Variants in CLSTN2 observed in about 807,000 individuals in gnomAD.
CLSTN2 encodes the protein calsyntenin-2.
In CLSTN2, 48 loss-of-function variants were observed where a neutral mutation model predicts 101.2. The observed-to-expected ratio is 0.47, with a 90% CI of 0.38 to 0.60. The LOEUF (loss-of-function observed/expected upper bound fraction) is 0.60, where lower values mean the gene tolerates loss of function less well. Among genes scored for constraint, CLSTN2 ranks in the 20% least tolerant of loss-of-function variants. The pLI, the probability that CLSTN2 is intolerant of heterozygous loss-of-function variation, is 0.00. For synonymous variants in CLSTN2, 481 were observed against 463.6 expected (o/e 1.04, Z -0.48); for missense variants, 1,160 against 1,238.2 (o/e 0.94, Z 0.95).
At chr3:140,366,538 T>A (rs1432100078) in intron 2 of CLSTN2, among the ~76,000 whole-genome samples, 1 of 152,214 alleles carries the variant, frequency 6.6e-6, no homozygotes, top group Non-Finnish European at 1.5e-5. Flanking sequence ...CCCGCTTGTA[T>A]AGGGCCCTTG....
intron 1 of CLSTN2, among the ~76,000 whole-genome samples, chr3:140,102,581 T>TG (rs2008986002): frequency 6.6e-6 from 1 of 152,230 alleles, no homozygotes; most frequent in Admixed American, 6.5e-5. Context: ...AGGAAGTAAT[T>TG]TCCTTATGCA....
chr3:140,104,935 G>A (rs2009027765), intron 1 of CLSTN2, among the ~76,000 whole-genome samples: 1 of 152,246 alleles, frequency 6.6e-6, no homozygotes, highest in Non-Finnish European at 1.5e-5. Context: ...CAGAGATCGT[G>A]CCACTGCACT....
At chr3:140,226,945 C>T (rs1040951232) in intron 2 of CLSTN2, among the ~76,000 whole-genome samples, 8 of 152,260 alleles carry the variant, frequency 5.3e-5, no homozygotes, top group Admixed American at 1.3e-4. Flanking sequence ...TCAATCACCT[C>T]CCACCAGGTC....
chr3:140,264,947 G>A (rs370370974), intron 2 of CLSTN2, among the ~76,000 whole-genome samples: 2 of 152,140 alleles, frequency 1.3e-5, no homozygotes, highest in African/African-American at 4.8e-5. Flanking sequence ...TCTCTGCCCT[G>A]AAGGAGCTCA....
intron 1 of CLSTN2, among the ~76,000 whole-genome samples, chr3:140,133,079 T>C (rs1346285557): frequency 3.9e-5 from 6 of 152,172 alleles, no homozygotes. Context: ...CCAGCATCTG[T>C]TCAGCTTCTG....
At chr3:140,502,430 T>TG (rs1424059635) in intron 8 of CLSTN2, among the ~76,000 whole-genome samples, 1 of 152,120 alleles carries the variant, frequency 6.6e-6, no homozygotes, top group Non-Finnish European at 1.5e-5. Context: ...TTAAACAGCT[T>TG]GGGGAGTCTT....
At chr3:140,148,791 A>T (rs1576445873) in intron 1 of CLSTN2, among the ~76,000 whole-genome samples, 1 of 152,174 alleles carries the variant, frequency 6.6e-6, no homozygotes, top group African/African-American at 2.4e-5. Context: ...CTCAAGTTCT[A>T]GGTCAGCTTC....
chr3:139,977,361 G>A (rs1935835637), intron 1 of CLSTN2, among the ~76,000 whole-genome samples: 1 of 152,122 alleles, frequency 6.6e-6, no homozygotes, highest in African/African-American at 2.4e-5. Flanking sequence ...AACACCATGA[G>A]CAGGAACCCT....
Position 139,966,342 on chromosome 3 carries a change from G to A in CLSTN2, c.109+30859G>A, listed in dbSNP as rs1205924783. The stretch of plus-strand genomic sequence containing the variant: ...GGACATAATTAAAGCTCCTTAATAT[G>A]CATCTATGATCCTTTATGATCTAGC... On this transcript the variant is annotated intron_variant, in intron 1 of 16. Transcript: ENST00000458420. Among the ~76,000 whole-genome samples, 4 of 152,142 alleles carry A rather than the reference G, an allele frequency of 2.6e-5. No homozygotes were observed. The East Asian group carries it at 7.7e-4, about 29-fold the overall frequency.
chr3:140,085,945 G>T (rs939843143), intron 1 of CLSTN2, among the ~76,000 whole-genome samples: 3 of 152,240 alleles, frequency 2.0e-5, no homozygotes, highest in East Asian at 1.9e-4. Context: ...ATCACTTGGG[G>T]CAACTCCTGG....
intron 1 of CLSTN2, among the ~76,000 whole-genome samples, chr3:140,014,975 C>A (rs2007170709): frequency 6.6e-6 from 1 of 152,212 alleles, no homozygotes. Flanking sequence ...TGCAGTTTCA[C>A]AGATGCTAGC....
At chr3:140,437,806 A>C (rs954415428) in intron 5 of CLSTN2, among the ~76,000 whole-genome samples, 12 of 152,358 alleles carry the variant, frequency 7.9e-5, no homozygotes, top group Non-Finnish European at 1.8e-4. Flanking sequence ...TCATATGAAA[A>C]TGTTTTTAAA....
chr3:140,254,921 G>A (rs1232027098), intron 2 of CLSTN2, among the ~76,000 whole-genome samples: 1 of 151,898 alleles, frequency 6.6e-6, no homozygotes, highest in African/African-American at 2.4e-5. Flanking sequence ...CAACAAAGGT[G>A]TAATATCCAG....
chr3:140,477,152 C>A (rs987544346), intron 8 of CLSTN2, among the ~76,000 whole-genome samples: 4 of 152,220 alleles, frequency 2.6e-5, no homozygotes, highest in African/African-American at 9.6e-5. Flanking sequence ...CCTGCTTACT[C>A]CCAATCTCCT....
At chr3:140,434,904 A>C (rs1473422886) in intron 5 of CLSTN2, among the ~76,000 whole-genome samples, 4 of 152,192 alleles carry the variant, frequency 2.6e-5, no homozygotes, top group Non-Finnish European at 5.9e-5. Context: ...CTTTTAAAAA[A>C]AATTTTTTTA....
At chr3:140,133,738 A>T (rs2009558704) in intron 1 of CLSTN2, among the ~76,000 whole-genome samples, 1 of 152,190 alleles carries the variant, frequency 6.6e-6, no homozygotes, top group Non-Finnish European at 1.5e-5. Context: ...GACTAAAGAT[A>T]CTTCATGCAA....
intron 1 of CLSTN2, among the ~76,000 whole-genome samples, chr3:140,036,316 A>T (rs1303788397): frequency 6.6e-6 from 1 of 152,180 alleles, no homozygotes; most frequent in Non-Finnish European, 1.5e-5. Context: ...AAACAATTAT[A>T]GTCCAGCCCC....
At chr3:139,936,247 G>A (rs539517284) in intron 1 of CLSTN2, among the ~76,000 whole-genome samples, 1 of 152,306 alleles carries the variant, frequency 6.6e-6, no homozygotes, top group Admixed American at 6.5e-5. Flanking sequence ...GCGAACCCCG[G>A]ACTTTGACAG....
In CLSTN2 at chr3:140,044,734, C is replaced by G. The variant is rs577379265; in HGVS notation, c.109+109251C>G. Among the ~76,000 whole-genome samples, 14 of 152,270 alleles carry G rather than the reference C, an allele frequency of 9.2e-5. No homozygotes were observed. In the South Asian group the frequency reaches 2.9e-3, roughly 32 times the overall value. ...TACCTAACTTATTGAGAGTTTTTAG[C>G]ATGAATTGCTGTTGAATTTTGTCGA... is the stretch of plus-strand genomic sequence containing the variant. On this transcript the variant is annotated intron_variant, in intron 1 of 16. Transcript: ENST00000458420.
Sources: allele counts gnomAD v4.1 joint callset (sites outside exome capture counted in the v4.1 genomes callset), GRCh38; gene constraint gnomAD v4.1.1; transcripts MANE v1.5; gene names NCBI Gene and HGNC (gene_info 2026-07-23, HGNC 2026-07-21).